Variants in SDK1 observed in about 807,000 individuals in gnomAD.
The protein encoded by SDK1 is sidekick cell adhesion molecule 1, also known as protein sidekick-1.
SDK1 carries 157 observed loss-of-function variants against 245.5 expected under a neutral mutation model. That is an observed-to-expected ratio of 0.64 (90% CI 0.56 to 0.73). The LOEUF (loss-of-function observed/expected upper bound fraction) is 0.73, where lower values mean the gene tolerates loss of function less well. SDK1 is among the 30% of genes least tolerant of loss of function. SDK1 has a pLI of 0.00. For synonymous variants in SDK1, 1,647 were observed against 1,278.5 expected (o/e 1.29, Z -6.15); for missense variants, 3,583 against 3,002.3 (o/e 1.19, Z -4.52).
chr7:3,900,153 A>G (rs1781737744), intron 5 of SDK1, among the ~76,000 whole-genome samples: 1 of 151,958 alleles, frequency 6.6e-6, no homozygotes. Context: ...AGTTGGTGCT[A>G]CTCCTTCTAA....
At chr7:3,779,992 G>A (rs930331334) in intron 4 of SDK1, among the ~76,000 whole-genome samples, 6 of 151,572 alleles carry the variant, frequency 4.0e-5, no homozygotes, top group African/African-American at 1.5e-4. Flanking sequence ...CAAGATAGTG[G>A]AATCAGAAGC....
At position 3,488,937 on chromosome 7, in the gene SDK1, C is replaced by G. The variant is rs189619167; in HGVS notation, c.299-130143C>G. ...TGTGTGTGTGTGTGTGTGTGTGTGT[C>G]ATTCACAGAAGTTTCTCTTAGATCC... On this transcript the variant is annotated intron_variant, in intron 1 of 44. Coordinates refer to ENST00000404826, the MANE Select transcript of SDK1 (RefSeq NM_152744.4). Among the ~76,000 whole-genome samples, 76 of 145,938 alleles carry G rather than the reference C, an allele frequency of 5.2e-4. No homozygotes were observed. In the East Asian group the frequency reaches 0.013, roughly 25 times the overall value.
At chr7:3,679,064 A>T (rs970769296) in intron 4 of SDK1, among the ~76,000 whole-genome samples, 4 of 152,228 alleles carry the variant, frequency 2.6e-5, no homozygotes, top group African/African-American at 9.6e-5. Context: ...TAGCTATGGC[A>T]CCAAAAACAT....
intron 4 of SDK1, among the ~76,000 whole-genome samples, chr7:3,679,440 G>A (rs1011015088): frequency 8.5e-5 from 13 of 152,268 alleles, no homozygotes; most frequent in East Asian, 3.9e-4. Context: ...GGTGGCGGGC[G>A]CCTGTAGTCC....
At chr7:3,769,563 A>T (rs1476287618) in intron 4 of SDK1, among the ~76,000 whole-genome samples, 2 of 152,176 alleles carry the variant, frequency 1.3e-5, no homozygotes, top group Non-Finnish European at 2.9e-5. Flanking sequence ...GGTATTAATT[A>T]AATTTCAATA....
chr7:4,161,458 A>G (rs1450703758), intron 31 of SDK1, among the ~76,000 whole-genome samples: 1 of 152,182 alleles, frequency 6.6e-6, no homozygotes, highest in East Asian at 1.9e-4. Flanking sequence ...CTCCCAGAAG[A>G]CCTGAGCCCT....
At chr7:4,264,314 C>T (rs555222374) in intron 44 of SDK1, among the ~76,000 whole-genome samples, 2 of 145,256 alleles carry the variant, frequency 1.4e-5, no homozygotes, top group African/African-American at 5.1e-5. Flanking sequence ...TAGACCTCTC[C>T]TGAGTGAGGG....
chr7:4,162,868 A>C (rs2128213173), intron 32 of SDK1, among the ~76,000 whole-genome samples: 1 of 152,338 alleles, frequency 6.6e-6, no homozygotes, highest in African/African-American at 2.4e-5. Flanking sequence ...CTTACTGACA[A>C]GTACATTGAT....
chr7:3,450,503 G>A (rs1425560526), intron 1 of SDK1, among the ~76,000 whole-genome samples: 1 of 152,130 alleles, frequency 6.6e-6, no homozygotes, highest in Non-Finnish European at 1.5e-5. Flanking sequence ...ATAAAGGAAG[G>A]GAAGGGGTCT....
At chr7:3,598,520 C>G (rs1033007456) in intron 1 of SDK1, among the ~76,000 whole-genome samples, 8 of 152,164 alleles carry the variant, frequency 5.3e-5, no homozygotes, top group Admixed American at 3.9e-4. Flanking sequence ...TACGGTATTA[C>G]AGCCAGGACA....
intron 5 of SDK1, among the ~76,000 whole-genome samples, chr7:3,843,213 G>A (rs527770342): frequency 1.6e-4 from 25 of 152,234 alleles, no homozygotes; most frequent in African/African-American, 5.3e-4. Flanking sequence ...TAACTCAAAA[G>A]GGAAAACAAG....
chr7:3,587,984 C>T (rs1452579409), intron 1 of SDK1, among the ~76,000 whole-genome samples: 1 of 152,236 alleles, frequency 6.6e-6, no homozygotes, highest in African/African-American at 2.4e-5. Context: ...TACAGGCTTG[C>T]TCTTGAAAAG....
chr7:3,884,258 T>G (rs1349784557), intron 5 of SDK1, among the ~76,000 whole-genome samples: 1 of 152,124 alleles, frequency 6.6e-6, no homozygotes, highest in Admixed American at 6.5e-5. Context: ...CTTTCTTTCC[T>G]TGTAGCTTTT....
chr7:3,402,668 T>G (rs981091026), intron 1 of SDK1, among the ~76,000 whole-genome samples: 1 of 152,280 alleles, frequency 6.6e-6, no homozygotes, highest in South Asian at 2.1e-4. Context: ...TTGAGGTGTT[T>G]AAATCAAAAA....
intron 5 of SDK1, among the ~76,000 whole-genome samples, chr7:3,850,083 C>G (rs548756873): frequency 6.6e-6 from 1 of 152,174 alleles, no homozygotes; most frequent in South Asian, 2.1e-4. Flanking sequence ...TCTATACTTA[C>G]AAGGTATTTT....
chr7:4,146,996 A>G (rs1278161645), intron 29 of SDK1, among the ~76,000 whole-genome samples: 1 of 152,148 alleles, frequency 6.6e-6, no homozygotes. Context: ...GGCTCCGCGC[A>G]TGTCCTCGGG....
At chr7:3,733,614 A>G (rs1779240276) in intron 4 of SDK1, among the ~76,000 whole-genome samples, 1 of 152,142 alleles carries the variant, frequency 6.6e-6, no homozygotes, top group Non-Finnish European at 1.5e-5. Context: ...GAGTTCCAAA[A>G]GCTATGTCTG....
At chr7:4,091,334 C>CTTTTCTCTTTTTT (rs1259034611) in intron 22 of SDK1, among the ~76,000 whole-genome samples, 2 of 108,260 alleles carry the variant, frequency 1.8e-5, no homozygotes, top group Admixed American at 9.8e-5. Context: ...CTTTTCTTTT[C>CTTTTCTCTTTTTT]TTTTTTTTTT....
intron 4 of SDK1, among the ~76,000 whole-genome samples, chr7:3,713,842 C>G (rs1462763026): frequency 6.6e-6 from 1 of 152,146 alleles, no homozygotes; most frequent in Non-Finnish European, 1.5e-5. Flanking sequence ...GTTGACAAGT[C>G]CTATATCAAG....
Sources: gnomAD v4.1 joint callset for allele counts (sites outside exome capture counted in the v4.1 genomes callset) on GRCh38, gnomAD v4.1.1 for gene constraint, MANE v1.5 for transcripts, NCBI Gene and HGNC (gene_info 2026-07-23, HGNC 2026-07-21) for gene names.